SPG7: variants seen among roughly 807,000 people sequenced by gnomAD.
SPG7 encodes mitochondrial inner membrane m-AAA protease component paraplegin.
SPG7 carries 103 observed loss-of-function variants against 81.9 expected under a neutral mutation model. The observed-to-expected ratio is 1.26, with a 90% CI of 1.07 to 1.48. SPG7 has a LOEUF of 1.48. Ranked by LOEUF, SPG7 falls within the 40% of genes most tolerant of loss-of-function variation. SPG7 has a pLI of 0.00. For missense variants in SPG7, 1,241 were observed against 1,087.3 expected, an observed-to-expected ratio of 1.14 and a Z score of -1.99; for synonymous variants, 534 against 444.2, an observed-to-expected ratio of 1.20 and a Z score of -2.54.
rs1031899714 is a variant in SPG7 at position 89,508,466 on chromosome 16, C to T, written c.49C>T (p.Pro17Ser). The T allele has an allele frequency of 1.3e-6, 2 of 1,508,108 alleles. No individual in the cohort carries two copies. The allele number at this position is 1,508,108 out of a possible 1,614,324, so 93.4% of individuals were successfully genotyped here. A position where few individuals can be genotyped will look rare whatever the true frequency, so the allele number is the denominator to read the frequency against. ...LLRALRRGPG[P>S]GPRPLWGPGP... ...CCGTGCCCTCCGCCGGGGTCCAGGC[C>T]CGGGTCCTCGGCCGCTGTGGGGCCC... Residue 17 changes from proline (P) to serine (S), a missense_variant, in exon 1 of 17, where the codon CCG becomes TCG. Pro to Ser is a moderately conservative substitution (Grantham distance 74, BLOSUM62 -1). Transcript: ENST00000645818.
chr16:89,553,871 G>A lies in SPG7; in HGVS notation c.2014G>A (p.Gly672Arg), dbSNP rs369503365. 6.8e-6 allele frequency: 11 copies of A among 1,613,336 alleles called. No individual in the cohort carries two copies. The African/African-American group carries it at 9.3e-5, about 14-fold the overall frequency. ...GCAGTTTGGGATGGCACCTGGCATC[G>A]GGCCCATCTCCTTCCCTGAGGCGCA... Reference protein sequence around the residue: ...VKQFGMAPGIGPISFPEAQEG... With the variant: ...VKQFGMAPGIRPISFPEAQEG... The change falls in exon 15 of 17, where the codon GGG (glycine) becomes AGG (arginine). Residue 672 changes from glycine (G) to arginine (R), a missense_variant. Coordinates refer to ENST00000645818, the MANE Select transcript of SPG7 (RefSeq NM_003119.4).
rs531580249 is a variant in SPG7 at position 89,557,127 on chromosome 16, G to A, written c.*34G>A. 3.9e-5 allele frequency: 61 copies of A among 1,558,134 alleles called. No individual in the cohort carries two copies. In the African/African-American group the frequency reaches 4.7e-4, roughly 12 times the overall value. ...TGTTGGCTGCACGTGCGGGTGGTCC[G>A]GGAAGTGAGGGCTCACTCAGCCACC... On this transcript the variant is annotated 3_prime_UTR_variant, in exon 17 of 17. Transcript: ENST00000645818.
chr16:89,542,191 C>A (rs1305187228), intron 9 of SPG7: 1 of 152,290 alleles, frequency 6.6e-6, no homozygotes, highest in Non-Finnish European at 1.5e-5. Flanking sequence ...TATTACTTTT[C>A]CCATTTTTTT....
At chr16:89,511,353 C>G (rs1050489143) in intron 2 of SPG7, among the ~76,000 whole-genome samples, 1 of 152,204 alleles carries the variant, frequency 6.6e-6, no homozygotes, top group Admixed American at 6.5e-5. Context: ...TCTTTGGTCT[C>G]TCTTGGCTTT....
intron 9 of SPG7, 193 bp downstream of exon 9, chr16:89,532,829 A>T: frequency 1.5e-6 from 1 of 674,304 alleles, no homozygotes; most frequent in Non-Finnish European, 2.5e-6. Context: ...CACGCCTGTA[A>T]TCCCAGCACT....
intron 10 of SPG7, chr16:89,545,133 T>G (rs2058546894): frequency 8.3e-6 from 3 of 360,474 alleles, no homozygotes; most frequent in Non-Finnish European, 1.6e-5. Context: ...GAGGAAAAAT[T>G]GTGGGAAACT....
chr16:89,544,817 C>T (rs1303084143), intron 10 of SPG7, 45 bp downstream of exon 10: 1 of 1,611,216 alleles, frequency 6.2e-7, no homozygotes, highest in Non-Finnish European at 8.5e-7. Flanking sequence ...CTGGGCCGCC[C>T]CCACTCGCTC....
intron 5 of SPG7, 111 bp downstream of exon 5, chr16:89,526,579 A>G (rs532450341): frequency 3.4e-4 from 390 of 1,141,168 alleles, no homozygotes; most frequent in Non-Finnish European, 4.6e-4. Flanking sequence ...AGTTAACTAG[A>G]CTTTTTAGTG....
At chr16:89,536,999 A>G in intron 9 of SPG7, 1 of 1,613,360 alleles carries the variant, frequency 6.2e-7, no homozygotes, top group Non-Finnish European at 8.5e-7. Context: ...GTGCCATCAT[A>G]AGAATAGCTG....
rs781536426 is a variant in SPG7 at position 89,508,612 on chromosome 16, C to T, written c.183+12C>T. The T allele has an allele frequency of 6.9e-7, 1 of 1,449,754 alleles. No homozygotes were observed. Among genetic ancestry groups the T allele is most frequent in the Non-Finnish European group, 9.0e-7 (1 of 1,106,334 alleles). 89.8% of individuals were successfully genotyped at this position (1,449,754 alleles called of 1,614,324 possible). ...GCCGAGCTCTGCAGGTAAATCCCCG[C>T]GGAGTCCGGGCCCCACCTCCCGCCC... On this transcript the variant is annotated intron_variant, in intron 1 of 16. Coordinates refer to ENST00000645818, the MANE Select transcript of SPG7 (RefSeq NM_003119.4).
chr16:89,540,809 C>T (rs2058484926), intron 9 of SPG7: 3 of 815,310 alleles, frequency 3.7e-6, no homozygotes, highest in South Asian at 5.6e-5. Context: ...GGTGCTCATC[C>T]CAGGAAAGCA....
Position 89,550,579 on chromosome 16 carries a change from G to T in SPG7, c.1749G>T (p.Trp583Cys). The change falls in exon 13 of 17, where the codon TGG (tryptophan) becomes TGT (cysteine). Residue 583 changes from tryptophan (W) to cysteine (C), a missense_variant. Coordinates refer to ENST00000645818, the MANE Select transcript of SPG7 (RefSeq NM_003119.4). The part of the protein sequence containing the change: ...FHESGHALVG[W>C]MLEHTEAVMK... The stretch of plus-strand genomic sequence containing the variant: ...AGTCGGGCCACGCCTTGGTGGGCTG[G>T]ATGCTGGAGCACACGGAGGCCGTGA... 6.2e-7 allele frequency: 1 copy of T among 1,613,812 alleles called. No homozygotes were observed. The highest frequency in any genetic ancestry group is 8.5e-7 in the Non-Finnish European group (1 of 1,179,874).
chr16:89,530,103 T>C (rs1326825034), intron 6 of SPG7: 1 of 272,358 alleles, frequency 3.7e-6, no homozygotes, highest in Non-Finnish European at 7.1e-6. Context: ...CCTCCCAAAG[T>C]GCTGGGATTA....
intron 16 of SPG7, chr16:89,556,016 C>T (rs938210917): frequency 1.3e-5 from 5 of 398,638 alleles, no homozygotes; most frequent in Admixed American, 4.4e-5. Context: ...ATGCTCATCA[C>T]GGTTGACAAA....
chr16:89,545,910 T>C (rs138457252), intron 10 of SPG7: 13,350 of 450,138 alleles, frequency 0.03, 459 homozygotes, highest in East Asian at 0.083. Flanking sequence ...TGGAGTGCAG[T>C]GCTGCGATCA....
At chr16:89,516,216 C>G (rs934487727) in intron 3 of SPG7, among the ~76,000 whole-genome samples, 7 of 150,806 alleles carry the variant, frequency 4.6e-5, no homozygotes, top group Non-Finnish European at 1.0e-4. Context: ...TCAAACTTCT[C>G]ACCTCAGGTG....
chr16:89,532,516 C>A lies in SPG7; in HGVS notation c.1204C>A (p.Pro402Thr). ...CTTTAAGGAAGCCCGAGCCCGGGCC[C>A]CCTGCATCGTCTACATCGATGAGAT... Reference protein sequence around the residue: ...SLFKEARARAPCIVYIDEIDA... With the variant: ...SLFKEARARATCIVYIDEIDA... The change falls in exon 9 of 17, where the codon CCC becomes ACC. Residue 402 changes from proline (P) to threonine (T), a missense_variant. Pro to Thr is a conservative substitution (Grantham distance 38). Coordinates refer to ENST00000645818, the MANE Select transcript of SPG7 (RefSeq NM_003119.4). The A allele has an allele frequency of 6.2e-7, 1 of 1,613,738 alleles. No individual in the cohort carries two copies.
intron 3 of SPG7, chr16:89,516,721 T>C (rs1278597279): frequency 6.7e-6 from 1 of 149,370 alleles, no homozygotes. Context: ...AAAAAAAAAT[T>C]AGGCGTGGTG....
intron 9 of SPG7, chr16:89,537,315 C>T: frequency 8.0e-7 from 1 of 1,244,184 alleles, no homozygotes; most frequent in South Asian, 2.0e-5. Flanking sequence ...TCAAAGAGCA[C>T]TGGAGGCACC....
Sources: gnomAD v4.1 joint callset for allele counts (sites outside exome capture counted in the v4.1 genomes callset) on GRCh38, gnomAD v4.1.1 for gene constraint, MANE v1.5 for transcripts, NCBI Gene and HGNC (gene_info 2026-07-23, HGNC 2026-07-21) for gene names.